ABLIM1: variants seen among roughly 807,000 people sequenced by gnomAD.
ABLIM1 encodes the protein actin-binding LIM protein 1.
ABLIM1 carries 40 observed loss-of-function variants against 107.0 expected under a neutral mutation model. The observed-to-expected ratio is 0.37, with a 90% CI of 0.29 to 0.49. ABLIM1 has a LOEUF of 0.49. Ranked by LOEUF, ABLIM1 falls within the 20% of genes least tolerant of loss-of-function variation. The pLI, the probability that ABLIM1 is intolerant of heterozygous loss-of-function variation, is 0.97. For missense variants in ABLIM1, 857 were observed against 1,008.5 expected, an observed-to-expected ratio of 0.85 and a Z score of 2.04; for synonymous variants, 357 against 357.3, an observed-to-expected ratio of 1.00 and a Z score of 0.01.
At chr10:114,440,850 A>C in intron 19 of ABLIM1, 167 bp downstream of exon 19, 3 of 740,798 alleles carry the variant, frequency 4.0e-6, no homozygotes, top group Non-Finnish European at 4.8e-6. Flanking sequence ...TTCATTAGAT[A>C]TTCTTTGAAA....
At chr10:114,523,064 T>A (rs750136655) in intron 6 of ABLIM1, among the ~76,000 whole-genome samples, 5 of 152,074 alleles carry the variant, frequency 3.3e-5, no homozygotes, top group Non-Finnish European at 5.9e-5. Flanking sequence ...GGCAGGAGAA[T>A]CGCTTGAACC....
intron 8 of ABLIM1, among the ~76,000 whole-genome samples, chr10:114,480,824 TCAA>T (rs749487075): frequency 6.6e-6 from 1 of 152,164 alleles, no homozygotes; most frequent in Non-Finnish European, 1.5e-5. Context: ...ACGTTTGATT[TCAA>T]CAACGATTTT....
chr10:114,741,265 G>T (rs1390955461), intron 1 of ABLIM1, among the ~76,000 whole-genome samples: 1 of 100,978 alleles, frequency 9.9e-6, no homozygotes. Flanking sequence ...TCGCTTTGTC[G>T]CCCAGGCTGG....
At chr10:114,500,187 C>T (rs1041731405) in intron 6 of ABLIM1, among the ~76,000 whole-genome samples, 2 of 152,274 alleles carry the variant, frequency 1.3e-5, no homozygotes, top group South Asian at 2.1e-4. Flanking sequence ...GCTTTAAACA[C>T]GTGTGCTATG....
intron 1 of ABLIM1, among the ~76,000 whole-genome samples, chr10:114,623,280 G>C (rs1487465138): frequency 6.6e-6 from 1 of 152,180 alleles, no homozygotes; most frequent in African/African-American, 2.4e-5. Flanking sequence ...CCTTCTCCAA[G>C]TCACGCTGAG....
intron 8 of ABLIM1, among the ~76,000 whole-genome samples, chr10:114,485,679 G>A (rs2058085283): frequency 6.6e-6 from 1 of 152,172 alleles, no homozygotes; most frequent in African/African-American, 2.4e-5. Context: ...AGCCAGTGAA[G>A]CCAACTGAGA....
intron 12 of ABLIM1, among the ~76,000 whole-genome samples, chr10:114,454,198 C>T (rs533100681): frequency 6.6e-6 from 1 of 152,176 alleles, no homozygotes; most frequent in Non-Finnish European, 1.5e-5. Flanking sequence ...TATGGCTGGG[C>T]ACTGAGTACT....
intron 2 of ABLIM1, among the ~76,000 whole-genome samples, chr10:114,591,425 A>T (rs1485939298): frequency 6.6e-6 from 1 of 152,208 alleles, no homozygotes; most frequent in African/African-American, 2.4e-5. Flanking sequence ...TCCTCTATAT[A>T]TAATCTGTAG....
rs79532312 is a variant in ABLIM1 at position 114,592,449 on chromosome 10, G to A, written c.379+9378C>T. Among the ~76,000 whole-genome samples the A allele has an allele frequency of 3.2e-4, 48 of 152,210 alleles. No individual in the cohort carries two copies. In the East Asian group the frequency reaches 8.7e-3, roughly 28 times the overall value. On this transcript the variant is annotated intron_variant, in intron 2 of 22. Coordinates refer to ENST00000533213, the MANE Select transcript of ABLIM1 (RefSeq NM_002313.7). ...GAGCTCAGAGAGTAACAGTGGGGAGGGGATTTGAAGGTCAAATTGAGGTCT... is the reference window on the plus strand; with the variant it reads ...GAGCTCAGAGAGTAACAGTGGGGAGAGGATTTGAAGGTCAAATTGAGGTCT...
intron 4 of ABLIM1, among the ~76,000 whole-genome samples, chr10:114,561,661 T>G (rs929629415): frequency 1.3e-5 from 2 of 152,220 alleles, no homozygotes; most frequent in Admixed American, 6.5e-5. Flanking sequence ...TTTTTACTGT[T>G]ACTTAAACAT....
intron 1 of ABLIM1, among the ~76,000 whole-genome samples, chr10:114,748,230 GAGAAGT>G: frequency 6.6e-6 from 1 of 152,086 alleles, no homozygotes; most frequent in East Asian, 1.9e-4. Flanking sequence ...AGTAAGTTTG[GAGAAGT>G]AGGCTGACTA....
chr10:114,701,764 G>C (rs2081312417), intron 1 of ABLIM1, among the ~76,000 whole-genome samples: 1 of 152,142 alleles, frequency 6.6e-6, no homozygotes, highest in Non-Finnish European at 1.5e-5. Flanking sequence ...CACTGACAAA[G>C]AACACAAGAG....
intron 1 of ABLIM1, among the ~76,000 whole-genome samples, chr10:114,732,206 C>T (rs1473065675): frequency 2.4e-4 from 26 of 106,442 alleles, no homozygotes; most frequent in Non-Finnish European, 8.7e-5. Flanking sequence ...TTTTTTGAGA[C>T]AGAGTCTCGC....
At chr10:114,775,372 A>G in the ABLIM1 span, among the ~76,000 whole-genome samples, 1 of 152,228 alleles carries the variant, frequency 6.6e-6, no homozygotes, top group Non-Finnish European at 1.5e-5. Flanking sequence ...TGGGAGTTCA[A>G]TGGAATATTT....
chr10:114,579,871 C>T (rs1358685864), intron 2 of ABLIM1, among the ~76,000 whole-genome samples: 1 of 151,998 alleles, frequency 6.6e-6, no homozygotes, highest in African/African-American at 2.4e-5. Flanking sequence ...AAAAATTATC[C>T]AAAACTTGTA....
At chr10:114,608,473 C>T (rs2076576127) in intron 1 of ABLIM1, among the ~76,000 whole-genome samples, 1 of 151,802 alleles carries the variant, frequency 6.6e-6, no homozygotes, top group South Asian at 2.1e-4. Flanking sequence ...AGTTCGTGAT[C>T]AGCCTGACCA....
chr10:114,533,488 C>T (rs992822521), intron 6 of ABLIM1, among the ~76,000 whole-genome samples: 1 of 152,130 alleles, frequency 6.6e-6, no homozygotes, highest in Non-Finnish European at 1.5e-5. Context: ...GTGAACAAAG[C>T]CATCAGTAAC....
chr10:114,525,446 C>T (rs537699884), intron 6 of ABLIM1, among the ~76,000 whole-genome samples: 3 of 152,292 alleles, frequency 2.0e-5, no homozygotes, highest in South Asian at 2.1e-4. Flanking sequence ...CTTAGGCAAC[C>T]GCCTCGAAAA....
chr10:114,647,229 C>T (rs959447067), intron 1 of ABLIM1, among the ~76,000 whole-genome samples: 3 of 151,666 alleles, frequency 2.0e-5, no homozygotes, highest in African/African-American at 7.3e-5. Context: ...GAACTGCTGA[C>T]CTCAGGTGAT....
Sources: gnomAD v4.1 joint callset for allele counts (sites outside exome capture counted in the v4.1 genomes callset) on GRCh38, gnomAD v4.1.1 for gene constraint, MANE v1.5 for transcripts, NCBI Gene and HGNC (gene_info 2026-07-23, HGNC 2026-07-21) for gene names.